Variants in CSNK1G1 observed in about 807,000 individuals in gnomAD.
CSNK1G1 encodes the protein casein kinase 1 gamma 1, also known as casein kinase I isoform gamma-1.
Under a neutral mutation model 59.6 loss-of-function variants are expected in CSNK1G1, and 22 were observed. The observed-to-expected ratio is 0.37, with a 90% CI of 0.26 to 0.53. The LOEUF is 0.53. CSNK1G1 is among the 20% of genes least tolerant of loss of function. The pLI is 0.89. For missense variants in CSNK1G1, 384 were observed against 519.5 expected (o/e 0.74, Z 2.54); for synonymous variants, 179 against 177.1 (o/e 1.01, Z -0.08).
chr15:64,242,153 A>C (rs893897405), intron 4 of CSNK1G1, among the ~76,000 whole-genome samples: 8 of 152,240 alleles, frequency 5.3e-5, no homozygotes, highest in Non-Finnish European at 1.0e-4. Flanking sequence ...AAACTGAACC[A>C]TGAAAAACAC....
chr15:64,181,885 C>T (rs1248169027), intron 10 of CSNK1G1: 5 of 155,344 alleles, frequency 3.2e-5, no homozygotes, highest in Admixed American at 3.1e-4. Flanking sequence ...GGGGTCCTCA[C>T]CAGCAGTTAA....
rs1188044385 is a variant in CSNK1G1 at position 64,169,278 on chromosome 15, GC to G, written c.*2652del. On this transcript the variant is annotated 3_prime_UTR_variant, in exon 12 of 12. Transcript: ENST00000303052. ...GACAGAGTCTCACTCTGTTGCCCAG[GC>G]TGGAGTGCAGTGGTGCGATCTCGGC... is the stretch of plus-strand genomic sequence containing the variant. The G allele has an allele frequency of 1.8e-4, 27 of 152,016 alleles. No individual in the cohort carries two copies. Among genetic ancestry groups the G allele is most frequent in the African/African-American group, 6.3e-4 (26 of 41,312 alleles). The allele number at this position is 152,016 out of a possible 1,614,324, so 9.4% of individuals were successfully genotyped here. A position where few individuals can be genotyped will look rare whatever the true frequency, so the allele number is the denominator to read the frequency against.
chr15:64,325,411 A>C (rs1896787301), intron 1 of CSNK1G1, among the ~76,000 whole-genome samples: 1 of 152,204 alleles, frequency 6.6e-6, no homozygotes, highest in Non-Finnish European at 1.5e-5. Context: ...GAGCTTGCCT[A>C]AAAGACAATG....
chr15:64,246,382 G>A (rs958950820), intron 4 of CSNK1G1, among the ~76,000 whole-genome samples: 2 of 152,082 alleles, frequency 1.3e-5, no homozygotes, highest in African/African-American at 4.8e-5. Flanking sequence ...AGCACTTTGG[G>A]CAGCCAAGGT....
chr15:64,332,541 G>A (rs1316215795), intron 1 of CSNK1G1, among the ~76,000 whole-genome samples: 8 of 96,216 alleles, frequency 8.3e-5, no homozygotes, highest in African/African-American at 3.1e-4. Flanking sequence ...GGGGGAGGGG[G>A]GAGGGATAGC....
At chr15:64,263,822 CAAAAAAAAAAAAA>C (rs869123397) in intron 2 of CSNK1G1, among the ~76,000 whole-genome samples, 1 of 53,806 alleles carries the variant, frequency 1.9e-5, no homozygotes, top group Non-Finnish European at 3.3e-5. Context: ...TTTTGTTTAC[CAAAAAAAAAAAAA>C]AAAAAAAAAA....
intron 1 of CSNK1G1, among the ~76,000 whole-genome samples, chr15:64,347,014 T>A (rs1224806808): frequency 1.3e-5 from 2 of 152,108 alleles, no homozygotes; most frequent in Non-Finnish European, 2.9e-5. Flanking sequence ...AACAGATACC[T>A]CATCCAAAAA....
chr15:64,217,409 T>G (rs989219106), intron 4 of CSNK1G1, among the ~76,000 whole-genome samples: 1 of 152,216 alleles, frequency 6.6e-6, no homozygotes, highest in Non-Finnish European at 1.5e-5. Context: ...GAAGCCAAAA[T>G]CCAGACTTTC....
chr15:64,205,290 T>C (rs1359542831), intron 7 of CSNK1G1, among the ~76,000 whole-genome samples: 1 of 152,194 alleles, frequency 6.6e-6, no homozygotes, highest in East Asian at 1.9e-4. Flanking sequence ...ATGGCCACCA[T>C]AATTCAATAT....
intron 4 of CSNK1G1, among the ~76,000 whole-genome samples, chr15:64,224,528 GAACA>G (rs1417370218): frequency 6.6e-6 from 1 of 152,014 alleles, no homozygotes. Flanking sequence ...TTTTAAAAAA[GAACA>G]AACAATCCCT....
At chr15:64,178,834 G>A (rs2081773469) in intron 11 of CSNK1G1, among the ~76,000 whole-genome samples, 1 of 151,984 alleles carries the variant, frequency 6.6e-6, no homozygotes, top group Non-Finnish European at 1.5e-5. Context: ...CCAGATTGGA[G>A]TACAGTGACA....
chr15:64,194,830 T>C (rs1352368170), intron 10 of CSNK1G1, among the ~76,000 whole-genome samples: 2 of 152,186 alleles, frequency 1.3e-5, no homozygotes, highest in Non-Finnish European at 2.9e-5. Flanking sequence ...TTTCTAAGGC[T>C]TTATGTCCTT....
chr15:64,193,385 C>T (rs1473278779), intron 10 of CSNK1G1, among the ~76,000 whole-genome samples: 7 of 150,408 alleles, frequency 4.7e-5, no homozygotes, highest in South Asian at 2.1e-4. Flanking sequence ...CCCAGCTACT[C>T]GGGAGGCTGA....
rs2081747786 is a variant in CSNK1G1, at chr15:64,176,880, A to T, written c.1214+3468T>A. 6.6e-6 allele frequency among the ~76,000 whole-genome samples: 1 copy of T among 152,212 alleles called. No individual in the cohort carries two copies. The highest frequency in any genetic ancestry group is 6.5e-5 in the Admixed American group (1 of 15,280). The stretch of plus-strand genomic sequence containing the variant: ...GAAGGAGGGTCACTGCTCTGTATTA[A>T]GGTATAACTACCAGAGAAGGACCTA... On this transcript the variant is annotated intron_variant, in intron 11 of 11. Coordinates refer to ENST00000303052, the MANE Select transcript of CSNK1G1 (RefSeq NM_022048.5). The surrounding 1 kb of genome is among the most constrained non-coding windows in gnomAD (Gnocchi z 5.2).
intron 2 of CSNK1G1, among the ~76,000 whole-genome samples, chr15:64,278,187 C>A (rs897959217): frequency 1.3e-5 from 2 of 150,676 alleles, no homozygotes; most frequent in Non-Finnish European, 3.0e-5. Context: ...GCTGGGATTA[C>A]ACGTGCCCAC....
chr15:64,271,843 T>A (rs545318642), intron 2 of CSNK1G1, among the ~76,000 whole-genome samples: 1 of 152,330 alleles, frequency 6.6e-6, no homozygotes, highest in Non-Finnish European at 1.5e-5. Flanking sequence ...ATCATCTGTT[T>A]GATACTGTCA....
intron 4 of CSNK1G1, among the ~76,000 whole-genome samples, chr15:64,217,559 C>T (rs909857403): frequency 1.3e-5 from 2 of 152,142 alleles, no homozygotes; most frequent in Admixed American, 1.3e-4. Context: ...GTGGCTCATG[C>T]CTGTAAGTCC....
In CSNK1G1 at chr15:64,229,911, T is replaced by A. The variant is rs1331486564; in HGVS notation, c.293-13198A>T. ...TTGGGCATGTTTGTAAATTTTTTTT[T>A]TTTTTTTTTTTTTTTTTTTTTTTTT... On this transcript the variant is annotated intron_variant, in intron 4 of 11. Coordinates refer to ENST00000303052, the MANE Select transcript of CSNK1G1 (RefSeq NM_022048.5). Among the ~76,000 whole-genome samples, 635 of 66,960 alleles carry A rather than the reference T, an allele frequency of 9.5e-3. 11 individuals carry two copies. The highest frequency in any genetic ancestry group is 0.03 in the African/African-American group (614 of 20,792). 43.9% of individuals were successfully genotyped at this position (66,960 alleles called of 152,430 possible).
intron 1 of CSNK1G1, among the ~76,000 whole-genome samples, chr15:64,308,008 G>A (rs1895779754): frequency 6.6e-6 from 1 of 151,772 alleles, no homozygotes; most frequent in Admixed American, 6.6e-5. Context: ...ACGCTTATGT[G>A]GTCAGGGAAA....
Sources: allele counts gnomAD v4.1 joint callset (sites outside exome capture counted in the v4.1 genomes callset), GRCh38; gene constraint gnomAD v4.1.1; non-coding constraint Gnocchi (gnomAD v3.1); transcripts MANE v1.5; gene names NCBI Gene and HGNC (gene_info 2026-07-23, HGNC 2026-07-21).